The following DEPDC7 variants were observed in gnomAD, a reference collection of about 807,000 sequenced individuals.
DEPDC7 encodes DEP domain-containing protein 7.
Under a neutral mutation model 56.6 loss-of-function variants are expected in DEPDC7, and 41 were observed. The ratio of observed to expected loss-of-function variants is 0.72; its 90% CI spans 0.56 to 0.94. The LOEUF is 0.94. Among genes scored for constraint, DEPDC7 ranks in the 40% least tolerant of loss-of-function variants. The probability of loss-of-function intolerance (pLI) is 0.00; values close to 1 mark genes in which losing one functional copy is unlikely to be tolerated. For missense variants in DEPDC7, 522 were observed against 596.3 expected (o/e 0.88, Z 1.30); for synonymous variants, 185 against 208.8 (o/e 0.89, Z 0.98).
At chr11:33,022,659 C>T (rs940784471) in intron 1 of DEPDC7, among the ~76,000 whole-genome samples, 5 of 152,080 alleles carry the variant, frequency 3.3e-5, no homozygotes, top group South Asian at 2.1e-4. Flanking sequence ...GAATATTAGT[C>T]GCTAACAATG....
At chr11:33,023,576 C>T (rs1564963860) in intron 1 of DEPDC7, among the ~76,000 whole-genome samples, 1 of 152,056 alleles carries the variant, frequency 6.6e-6, no homozygotes. Flanking sequence ...CTTTGTCGTC[C>T]AGGCTGGAGT....
chr11:33,030,750 A>AT (rs1853625017), intron 4 of DEPDC7, among the ~76,000 whole-genome samples: 1 of 151,708 alleles, frequency 6.6e-6, no homozygotes, highest in African/African-American at 2.4e-5. Flanking sequence ...CACCCAGCTA[A>AT]TTTTTGCATT....
intron 6 of DEPDC7, 87 bp downstream of exon 6, chr11:33,032,565 G>A: frequency 7.4e-7 from 1 of 1,360,462 alleles, no homozygotes; most frequent in Non-Finnish European, 1.0e-6. Flanking sequence ...TCAGCATCAA[G>A]TATGCTGAAA....
At chr11:33,030,433 ATGAT>A (rs979549716) in intron 4 of DEPDC7, among the ~76,000 whole-genome samples, 8 of 140,308 alleles carry the variant, frequency 5.7e-5, no homozygotes, top group African/African-American at 2.2e-4. Flanking sequence ...AGTAGAGGAC[ATGAT>A]TGATTGCTTT....
intron 1 of DEPDC7, among the ~76,000 whole-genome samples, chr11:33,022,150 G>A (rs77507312): frequency 0.04 from 6,144 of 152,158 alleles, 156 homozygotes; most frequent in South Asian, 0.092. Context: ...TTTGAATCTT[G>A]CATGTCTTCC....
Position 33,028,654 on chromosome 11 carries a change from T to C in DEPDC7, c.644T>C (p.Val215Ala). 6.2e-7 allele frequency: 1 copy of C among 1,613,378 alleles called. No homozygotes were observed. Among genetic ancestry groups the C allele is most frequent in the Non-Finnish European group, 8.5e-7 (1 of 1,179,814 alleles). ...ACAATTGGGCGTCTACTACAACTTG[T>C]AGACCTTCCACTTCTTGACTCCTTA... is the stretch of plus-strand genomic sequence containing the variant. The part of the protein sequence containing the change: ...EETIGRLLQL[V>A]DLPLLDSLLK... Residue 215 changes from valine to alanine, a missense_variant, in exon 4 of 9, where the codon GTA (valine) becomes GCA (alanine). Val to Ala is a moderately conservative substitution (Grantham distance 64). Coordinates refer to ENST00000241051, the MANE Select transcript of DEPDC7 (RefSeq NM_001077242.2).
Position 33,027,697 on chromosome 11 carries a change from C to G in DEPDC7, c.476C>G (p.Ala159Gly). The change falls in exon 3 of 9, where the codon GCA (alanine) becomes GGA (glycine). Residue 159 changes from alanine to glycine, a missense_variant. Transcript: ENST00000241051. ...KLYSPARYAD[A>G]LFKSSDIRSA... is the part of the protein sequence containing the mutation. ...TAAATTCATTTTAGGTATGCAGATG[C>G]ATTATTTAAGTCATCCGATATCAGA... is the stretch of plus-strand genomic sequence containing the variant. The G allele has an allele frequency of 6.6e-7, 1 of 1,521,468 alleles. No individual in the cohort carries two copies. The allele number at this position is 1,521,468 out of a possible 1,614,324, so 94.2% of individuals were successfully genotyped here.
chr11:33,033,151 C>T lies in DEPDC7; in HGVS notation c.1343-111C>T. 9 of 932,456 alleles carry T rather than the reference C, an allele frequency of 9.7e-6. No individual in the cohort carries two copies. In the South Asian group the frequency reaches 1.4e-4, roughly 14 times the overall value. 57.8% of individuals were successfully genotyped at this position (932,456 alleles called of 1,614,324 possible). A position where few individuals can be genotyped will look rare whatever the true frequency, so the allele number is the denominator to read the frequency against. On this transcript the variant is annotated intron_variant, in intron 8 of 8. Transcript: ENST00000241051. ...TCAGCAGTGCTTACCATCTTCAGTG[C>T]ATATTACAAAATGGGGAAGAAAAAC...
chr11:33,025,147 A>C (rs1034514313), intron 1 of DEPDC7, among the ~76,000 whole-genome samples: 1 of 151,622 alleles, frequency 6.6e-6, no homozygotes, highest in African/African-American at 2.4e-5. Flanking sequence ...CTCCCTCCCC[A>C]CACCACTCTG....
chr11:33,028,520 T>G, intron 3 of DEPDC7, 83 bp from the exon 4 acceptor site: 1 of 1,185,858 alleles, frequency 8.4e-7, no homozygotes, highest in South Asian at 1.8e-5. Flanking sequence ...ATTTACTAGC[T>G]TAGACCTGCT....
At chr11:33,022,375 C>G (rs1853532242) in intron 1 of DEPDC7, among the ~76,000 whole-genome samples, 1 of 152,106 alleles carries the variant, frequency 6.6e-6, no homozygotes, top group Non-Finnish European at 1.5e-5. Flanking sequence ...GCTGACTTTT[C>G]ATATATTTAT....
Position 33,031,379 on chromosome 11 carries a change from G to A in DEPDC7, c.784G>A (p.Glu262Lys). ...GILKAYSDSQEDEWLSAAIDC... is the reference protein window; with the variant it reads ...GILKAYSDSQKDEWLSAAIDC... ...ATAATCTTCCCCTCTCCCCTATAGG[G>A]AAGATGAGTGGCTCTCGGCAGCAAT... The change falls in exon 5 of 9, where the codon GAA becomes AAA. Residue 262 changes from glutamate to lysine, a missense_variant and splice_region_variant. Physicochemically the swap from Glu to Lys is moderately conservative, Grantham distance 56. Coordinates refer to ENST00000241051, the MANE Select transcript of DEPDC7 (RefSeq NM_001077242.2). The A allele has an allele frequency of 6.2e-7, 1 of 1,613,240 alleles. No homozygotes were observed.
chr11:33,032,653 G>T lies in DEPDC7; in HGVS notation c.1138-15G>T. On this transcript the variant is annotated splice_polypyrimidine_tract_variant and intron_variant, in intron 6 of 8. Coordinates refer to ENST00000241051, the MANE Select transcript of DEPDC7 (RefSeq NM_001077242.2). ...TAAATATATACTATTGGATATATTT[G>T]TTTTATTTTTATAGAGTGACAACCG... The T allele has an allele frequency of 6.5e-7, 1 of 1,528,506 alleles. No homozygotes were observed. Among genetic ancestry groups the T allele is most frequent in the Non-Finnish European group, 8.9e-7 (1 of 1,129,332 alleles). 94.7% of individuals were successfully genotyped at this position (1,528,506 alleles called of 1,614,324 possible).
chr11:33,024,802 C>CTGTGTGTGTGTGTG (rs35371602), intron 1 of DEPDC7, among the ~76,000 whole-genome samples: 18 of 146,512 alleles, frequency 1.2e-4, no homozygotes, highest in Admixed American at 3.4e-4. Context: ...ATGCATGACT[C>CTGTGTGTGTGTGTG]TGTGTGTGTG....
At position 33,025,673 on chromosome 11, in the gene DEPDC7, C is replaced by T. The variant is rs1452224727; in HGVS notation, c.88C>T (p.Gln30Ter). ...TCTCCTTCTAGGTTTCAGTGTAGCT[C>T]AGAAGCCATTTGGAGCCACGTATGT... is the stretch of plus-strand genomic sequence containing the variant. Reference protein sequence around the residue: ...AHRPPGFSVAQKPFGATYVWS... With the variant: ...AHRPPGFSVA Residue 30 changes from glutamine (Q) to a stop codon, truncating the protein, a stop_gained, in exon 2 of 9, where the codon CAG becomes TAG. Transcript: ENST00000241051. LOFTEE classifies it high-confidence loss of function. The T allele has an allele frequency of 6.2e-7, 1 of 1,606,882 alleles. No homozygotes were observed. Among genetic ancestry groups the T allele is most frequent in the Non-Finnish European group, 8.5e-7 (1 of 1,174,052 alleles).
chr11:33,026,503 C>A (rs1017218705), intron 2 of DEPDC7: 1 of 228,852 alleles, frequency 4.4e-6, no homozygotes, highest in African/African-American at 2.3e-5. Flanking sequence ...TTTACCCTTT[C>A]CCCTTTGTTA....
intron 4 of DEPDC7, 116 bp downstream of exon 4, chr11:33,028,908 A>C: frequency 3.2e-6 from 2 of 628,150 alleles, no homozygotes; most frequent in Non-Finnish European, 4.9e-6. Context: ...TTGTTAGTTG[A>C]TATTATCAGT....
intron 1 of DEPDC7, 117 bp downstream of exon 1, chr11:33,016,145 G>A (rs1055204728): frequency 8.1e-7 from 1 of 1,235,190 alleles, no homozygotes; most frequent in East Asian, 3.4e-5. Context: ...GTCAACGGCC[G>A]GCTGGGCGAG....
chr11:33,033,379 C>T lies in DEPDC7; in HGVS notation c.1460C>T (p.Ala487Val). 2 of 1,610,720 alleles carry T rather than the reference C, an allele frequency of 1.2e-6. No individual in the cohort carries two copies. Among genetic ancestry groups the T allele is most frequent in the Non-Finnish European group, 1.7e-6 (2 of 1,178,928 alleles). Residue 487 changes from alanine (A) to valine (V), a missense_variant, in exon 9 of 9, where the codon GCC becomes GTC. Ala to Val is a moderately conservative substitution (Grantham distance 64). Coordinates refer to ENST00000241051, the MANE Select transcript of DEPDC7 (RefSeq NM_001077242.2). ...CTTGATGAGGATTCAAAACTTTCTG[C>T]CAAAGAGAAGAAAAAATTGCTAGGT... Reference protein sequence around the residue: ...KTLDEDSKLSAKEKKKLLGQF... With the variant: ...KTLDEDSKLSVKEKKKLLGQF...
Sources: gnomAD v4.1 joint callset for allele counts (sites outside exome capture counted in the v4.1 genomes callset) on GRCh38, gnomAD v4.1.1 for gene constraint, MANE v1.5 for transcripts, NCBI Gene and HGNC (gene_info 2026-07-23, HGNC 2026-07-21) for gene names.